The following RGS16 variants were observed in gnomAD, a reference collection of about 807,000 sequenced individuals.
RGS16 encodes the protein regulator of G protein signaling 16.
A neutral mutation model predicts 18.1 loss-of-function variants in RGS16; 12 were observed. The observed-to-expected ratio is 0.66, with a 90% confidence interval of 0.42 to 1.07. The LOEUF (loss-of-function observed/expected upper bound fraction) is 1.07, where lower values mean the gene tolerates loss of function less well. Among genes scored for constraint, RGS16 ranks in the 50% least tolerant of loss-of-function variants. The pLI is 0.00. For synonymous variants in RGS16, 88 were observed against 102.0 expected (o/e 0.86, Z 0.83); for missense variants, 238 against 249.2 (o/e 0.95, Z 0.30).
In RGS16 at chr1:182,603,356, G is replaced by A; in HGVS notation, c.45-17C>T. Reference sequence around the variant, plus strand: ...TCTTTGGCTCTGAAAAACAAATCAGGAACATGAAAGCATTCTCTCATTTGC... The same window carrying A: ...TCTTTGGCTCTGAAAAACAAATCAGAAACATGAAAGCATTCTCTCATTTGC... On this transcript the variant is annotated splice_polypyrimidine_tract_variant and intron_variant, in intron 1 of 4. Coordinates refer to ENST00000367558, the MANE Select transcript of RGS16 (RefSeq NM_002928.4). 6.3e-7 allele frequency: 1 copy of A among 1,591,234 alleles called. No homozygotes were observed.
chr1:182,602,174 G>C (rs768280443), intron 3 of RGS16, 42 bp from the exon 4 acceptor site: 1 of 1,597,682 alleles, frequency 6.3e-7, no homozygotes, highest in Non-Finnish European at 8.6e-7. Context: ...CAGCTGGAGG[G>C]ACAGCAGGGA....
chr1:182,600,270 G>C lies in RGS16; in HGVS notation c.*22C>G, dbSNP rs556065847. The stretch of plus-strand genomic sequence containing the variant: ...GTGACTCAACCTCTCTTCCCGGCTG[G>C]CTTCCTCACTGCCGTGGAGACTCAG... On this transcript the variant is annotated 3_prime_UTR_variant, in exon 5 of 5. Coordinates refer to ENST00000367558, the MANE Select transcript of RGS16 (RefSeq NM_002928.4). 1 of 1,606,924 alleles carries C rather than the reference G, an allele frequency of 6.2e-7. No individual in the cohort carries two copies. Among genetic ancestry groups the C allele is most frequent in the East Asian group, 2.2e-5 (1 of 44,752 alleles).
intron 2 of RGS16, 63 bp from the exon 3 acceptor site, chr1:182,602,547 A>T: frequency 7.5e-7 from 1 of 1,339,154 alleles, no homozygotes; most frequent in Middle Eastern, 1.9e-4. Context: ...GCATAGTACA[A>T]ATTCTAGCCA....
chr1:182,603,194 C>A (rs756818752), intron 2 of RGS16, 35 bp downstream of exon 2: 8 of 1,471,620 alleles, frequency 5.4e-6, no homozygotes, highest in Middle Eastern at 1.7e-4. Context: ...CACTCCCTTC[C>A]CTCTCGGAGC....
intron 1 of RGS16, 146 bp from the exon 2 acceptor site, chr1:182,603,485 A>G: frequency 1.6e-6 from 1 of 635,506 alleles, no homozygotes. Context: ...TCCCCAGGCC[A>G]AGAGTGCTTC....
chr1:182,604,358 T>C lies in RGS16; in HGVS notation c.-99A>G. ...GCAAAGGCGCGGTAGCAGGTGCTAG[T>C]CAACTGCGGTTGGGTTTAGCAGCCT... On this transcript the variant is annotated 5_prime_UTR_variant, in exon 1 of 5. Coordinates refer to ENST00000367558, the MANE Select transcript of RGS16 (RefSeq NM_002928.4). 7.9e-7 allele frequency: 1 copy of C among 1,257,996 alleles called. No individual in the cohort carries two copies. Among genetic ancestry groups the C allele is most frequent in the South Asian group, 1.4e-5 (1 of 69,328 alleles). 77.9% of individuals were successfully genotyped at this position (1,257,996 alleles called of 1,614,324 possible). A position where few individuals can be genotyped will look rare whatever the true frequency, so the allele number is the denominator to read the frequency against.
chr1:182,598,979 G>A lies in RGS16; in HGVS notation c.*1313C>T, dbSNP rs140450666. The stretch of plus-strand genomic sequence containing the variant: ...AAATAATCTCCTGGAGGAGCTCATG[G>A]TACAGAGAGAACAGTGTTGATTATC... On this transcript the variant is annotated 3_prime_UTR_variant, in exon 5 of 5. Coordinates refer to ENST00000367558, the MANE Select transcript of RGS16 (RefSeq NM_002928.4). 2 of 152,716 alleles carry A rather than the reference G, an allele frequency of 1.3e-5. No individual in the cohort carries two copies. The highest frequency in any genetic ancestry group is 4.8e-5 in the African/African-American group (2 of 41,586). 9.5% of individuals were successfully genotyped at this position (152,716 alleles called of 1,614,324 possible).
At chr1:182,601,847 G>T in intron 4 of RGS16, 119 bp downstream of exon 4, 1 of 1,266,066 alleles carries the variant, frequency 7.9e-7, no homozygotes, top group Non-Finnish European at 1.1e-6. Context: ...AGTCACCCCT[G>T]TGCCAAGTAA....
In RGS16 at chr1:182,599,410, TC is replaced by T; in HGVS notation, c.*881del. The stretch of plus-strand genomic sequence containing the variant: ...GGGGCATGAGAGCTGGAAAAGCCAC[TC>T]CCCGAGGCCTCCACACTTTGTTCTC... On this transcript the variant is annotated 3_prime_UTR_variant, in exon 5 of 5. Coordinates refer to ENST00000367558, the MANE Select transcript of RGS16 (RefSeq NM_002928.4). The T allele has an allele frequency of 6.6e-6, 1 of 152,174 alleles. No individual in the cohort carries two copies. Among genetic ancestry groups the T allele is most frequent in the South Asian group, 2.1e-4 (1 of 4,810 alleles). 9.4% of individuals were successfully genotyped at this position (152,174 alleles called of 1,614,324 possible). A position where few individuals can be genotyped will look rare whatever the true frequency, so the allele number is the denominator to read the frequency against.
chr1:182,601,322 C>G (rs774135230), intron 4 of RGS16, among the ~76,000 whole-genome samples: 3 of 152,154 alleles, frequency 2.0e-5, no homozygotes, highest in Non-Finnish European at 4.4e-5. Context: ...CATCTTCCCC[C>G]ATTCAAATTA....
Position 182,600,127 on chromosome 1 carries a change from G to T in RGS16, c.*165C>A. The T allele has an allele frequency of 1.6e-6, 1 of 620,886 alleles. No individual in the cohort carries two copies. Among genetic ancestry groups the T allele is most frequent in the Non-Finnish European group, 2.8e-6 (1 of 362,134 alleles). The allele number at this position is 620,886 out of a possible 1,614,324, so 38.5% of individuals were successfully genotyped here. On this transcript the variant is annotated 3_prime_UTR_variant, in exon 5 of 5. Transcript: ENST00000367558. ...TCCCACAGTATCTGAAGGAGAGACT[G>T]CTGCTTCCCAAACAGGCTGCTGGAG...
Position 182,602,069 on chromosome 1 carries a change from C to G in RGS16, c.284G>C (p.Trp95Ser). The G allele has an allele frequency of 6.2e-7, 1 of 1,614,182 alleles. No homozygotes were observed. The highest frequency in any genetic ancestry group is 8.5e-7 in the Non-Finnish European group (1 of 1,180,044). ...TEFSEENLEFWLACEEFKKIR... is the reference protein window; with the variant it reads ...TEFSEENLEFSLACEEFKKIR... ...CTTCTTGAACTCCTCACAGGCCAGC[C>G]AGAACTCCAGGTTCTCCTCACTGAA... Residue 95 changes from tryptophan to serine, a missense_variant, in exon 4 of 5, where the codon TGG becomes TCG. Trp to Ser is a radical substitution (Grantham distance 177). Coordinates refer to ENST00000367558, the MANE Select transcript of RGS16 (RefSeq NM_002928.4).
rs1300767812 is a variant in RGS16, at chr1:182,599,974, C to G, written c.*318G>C. On this transcript the variant is annotated 3_prime_UTR_variant, in exon 5 of 5. Transcript: ENST00000367558. ...CTAAACCACACTAGAACACTTCCTT[C>G]TCCGGTGAGAACGAGAGCCAGTGCT... 1 of 396,510 alleles carries G rather than the reference C, an allele frequency of 2.5e-6. No individual in the cohort carries two copies. Among genetic ancestry groups the G allele is most frequent in the African/African-American group, 2.0e-5 (1 of 49,356 alleles). 24.6% of individuals were successfully genotyped at this position (396,510 alleles called of 1,614,324 possible).
Position 182,600,516 on chromosome 1 carries a change from G to T in RGS16, c.388-3C>A, listed in dbSNP as rs748611635. 1.2e-6 allele frequency: 2 copies of T among 1,612,992 alleles called. No homozygotes were observed. Among genetic ancestry groups the T allele is most frequent in the African/African-American group, 1.3e-5 (1 of 74,990 alleles). ...TGGGTCTCATGGTCAATGTTGACCTGCGGGAAGGAGGACACACACAGGGTG... is the reference window on the plus strand; with the variant it reads ...TGGGTCTCATGGTCAATGTTGACCTTCGGGAAGGAGGACACACACAGGGTG... On this transcript the variant is annotated splice_polypyrimidine_tract_variant and splice_region_variant and intron_variant, in intron 4 of 4. Coordinates refer to ENST00000367558, the MANE Select transcript of RGS16 (RefSeq NM_002928.4).
rs1661902147 is a variant in RGS16 at position 182,603,560 on chromosome 1, T to TA, written c.45-222dup. 2.0e-5 allele frequency among the ~76,000 whole-genome samples: 3 copies of TA among 152,278 alleles called. No individual in the cohort carries two copies. In the South Asian group the frequency reaches 6.2e-4, roughly 32 times the overall value. ...GTTTGAGCTATGCTGTGGTAGGTCT[T>TA]ACACTTTCTGGGTAATACACACGCT... On this transcript the variant is annotated intron_variant, in intron 1 of 4. Transcript: ENST00000367558.
At chr1:182,602,991 G>A (rs1321561367) in intron 2 of RGS16, among the ~76,000 whole-genome samples, 1 of 152,200 alleles carries the variant, frequency 6.6e-6, no homozygotes, top group East Asian at 1.9e-4. Flanking sequence ...CTGGGAACTA[G>A]GCATTCATGC....
chr1:182,600,967 G>T (rs565441832), intron 4 of RGS16, among the ~76,000 whole-genome samples: 1 of 152,212 alleles, frequency 6.6e-6, no homozygotes, highest in East Asian at 1.9e-4. Flanking sequence ...AAGAGCCAAA[G>T]GGCTTGCTGG....
intron 4 of RGS16, 74 bp from the exon 5 acceptor site, chr1:182,600,587 G>T: frequency 1.6e-6 from 2 of 1,232,344 alleles, no homozygotes; most frequent in South Asian, 1.2e-5. Context: ...CCAACGGCAG[G>T]CTGGGCATTG....
chr1:182,600,224 G>A lies in RGS16; in HGVS notation c.*68C>T, dbSNP rs1661836690. 5 of 1,330,078 alleles carry A rather than the reference G, an allele frequency of 3.8e-6. No individual in the cohort carries two copies. Among genetic ancestry groups the A allele is most frequent in the East Asian group, 2.3e-5 (1 of 42,812 alleles). 82.4% of individuals were successfully genotyped at this position (1,330,078 alleles called of 1,614,324 possible). A position where few individuals can be genotyped will look rare whatever the true frequency, so the allele number is the denominator to read the frequency against. On this transcript the variant is annotated 3_prime_UTR_variant, in exon 5 of 5. Coordinates refer to ENST00000367558, the MANE Select transcript of RGS16 (RefSeq NM_002928.4). ...TTTGCAGAACCTGCCTCCCACACAGGGGCAGCCACCTCGGGGATGGGTGAC... is the reference window on the plus strand; with the variant it reads ...TTTGCAGAACCTGCCTCCCACACAGAGGCAGCCACCTCGGGGATGGGTGAC...
Sources: gnomAD v4.1 joint callset for allele counts (sites outside exome capture counted in the v4.1 genomes callset) on GRCh38, gnomAD v4.1.1 for gene constraint, MANE v1.5 for transcripts, NCBI Gene and HGNC (gene_info 2026-07-23, HGNC 2026-07-21) for gene names.